Variants in LPAR3 observed in about 807,000 individuals in gnomAD.
LPAR3 encodes the protein LPA receptor 3.
LPAR3 carries 7 observed loss-of-function variants against 17.8 expected under a neutral mutation model. The ratio of observed to expected loss-of-function variants is 0.39; its 90% CI spans 0.22 to 0.74. The LOEUF (loss-of-function observed/expected upper bound fraction) is 0.74, where lower values mean the gene tolerates loss of function less well. Among genes scored for constraint, LPAR3 ranks in the 30% least tolerant of loss-of-function variants. The pLI, the probability that LPAR3 is intolerant of heterozygous loss-of-function variation, is 0.40. For missense variants in LPAR3, 391 were observed against 453.4 expected (o/e 0.86, Z 1.25); for synonymous variants, 179 against 179.9 (o/e 0.99, Z 0.04).
At chr1:84,833,215 G>T (rs1659323990) in intron 2 of LPAR3, among the ~76,000 whole-genome samples, 1 of 152,076 alleles carries the variant, frequency 6.6e-6, no homozygotes, top group African/African-American at 2.4e-5. Context: ...ATGTCCTTTA[G>T]ACTTTCCTGC....
intron 2 of LPAR3, among the ~76,000 whole-genome samples, chr1:84,854,116 A>C (rs1659771255): frequency 6.6e-6 from 1 of 152,102 alleles, no homozygotes; most frequent in South Asian, 2.1e-4. Context: ...TGGCTCCCTT[A>C]TGTCTCTCAA....
intron 1 of LPAR3, 135 bp from the exon 2 acceptor site, chr1:84,866,273 A>G (rs1357972872): frequency 1.5e-6 from 1 of 661,864 alleles, no homozygotes; most frequent in Non-Finnish European, 2.6e-6. Context: ...GTCTCAGTGC[A>G]AATGTCCTTT....
intron 1 of LPAR3, among the ~76,000 whole-genome samples, chr1:84,878,703 C>G (rs1457682396): frequency 6.6e-6 from 1 of 152,146 alleles, no homozygotes; most frequent in Non-Finnish European, 1.5e-5. Context: ...CTTTAAACAC[C>G]AGGATTTTAA....
intron 2 of LPAR3, among the ~76,000 whole-genome samples, chr1:84,851,097 AT>A (rs1432638563): frequency 6.6e-6 from 1 of 152,256 alleles, no homozygotes; most frequent in African/African-American, 2.4e-5. Flanking sequence ...ATTTAAAATA[AT>A]GGCAGCATCA....
chr1:84,812,925 C>T lies in LPAR3; in HGVS notation c.*921G>A, dbSNP rs1306541060. On this transcript the variant is annotated 3_prime_UTR_variant, in exon 3 of 3. Transcript: ENST00000370611. ...CTTCTCCTTGTTTTCTGCATAAACC[C>T]TTTACTAGCTCTCCACTGTTTTTCA... 6.6e-6 allele frequency: 1 copy of T among 151,558 alleles called. No homozygotes were observed. The allele number at this position is 151,558 out of a possible 1,614,324, so 9.4% of individuals were successfully genotyped here. A position where few individuals can be genotyped will look rare whatever the true frequency, so the allele number is the denominator to read the frequency against.
At position 84,865,753 on chromosome 1, in the gene LPAR3, A is replaced by T; in HGVS notation, c.368T>A (p.Ile123Asn). The T allele has an allele frequency of 6.2e-7, 1 of 1,614,242 alleles. No individual in the cohort carries two copies. The highest frequency in any genetic ancestry group is 8.5e-7 in the Non-Finnish European group (1 of 1,180,046). The change falls in exon 2 of 3, where the codon ATC becomes AAC. Residue 123 changes from isoleucine to asparagine, a missense_variant. Physicochemically the swap from Ile to Asn is moderately radical, Grantham distance 149 (BLOSUM62 -3). Coordinates refer to ENST00000370611, the MANE Select transcript of LPAR3 (RefSeq NM_012152.3). ...GATTGACATGTGCCTCTCCACGGCG[A>T]TAACCAGCAAGTTGGTGAGGGAAGC... ...LTASLTNLLV[I>N]AVERHMSIMR...
intron 1 of LPAR3, among the ~76,000 whole-genome samples, chr1:84,870,136 TG>T (rs1660132166): frequency 6.6e-6 from 1 of 152,244 alleles, no homozygotes; most frequent in African/African-American, 2.4e-5. Flanking sequence ...AATATGATTC[TG>T]TGATTTTGAA....
At chr1:84,889,863 A>G (rs373879496) in intron 1 of LPAR3, among the ~76,000 whole-genome samples, 106 of 152,366 alleles carry the variant, frequency 7.0e-4, no homozygotes, top group East Asian at 4.6e-3. Context: ...TTTCACGTAC[A>G]TAAGTTAATG....
At chr1:84,884,181 G>C (rs1409187488) in intron 1 of LPAR3, among the ~76,000 whole-genome samples, 1 of 152,140 alleles carries the variant, frequency 6.6e-6, no homozygotes, top group African/African-American at 2.4e-5. Flanking sequence ...AGCAAATCGG[G>C]TATCAGTTTA....
At chr1:84,889,709 C>T (rs1014496512) in intron 1 of LPAR3, among the ~76,000 whole-genome samples, 7 of 152,276 alleles carry the variant, frequency 4.6e-5, no homozygotes, top group African/African-American at 1.7e-4. Context: ...CAGCAGTGCC[C>T]CCTTAGCACT....
At chr1:84,877,568 C>T (rs183828870) in intron 1 of LPAR3, among the ~76,000 whole-genome samples, 18 of 152,348 alleles carry the variant, frequency 1.2e-4, no homozygotes, top group Admixed American at 1.2e-3. Flanking sequence ...TCACCTACTC[C>T]TCCCAATCTG....
At chr1:84,892,862 G>A (rs1425011491) in intron 1 of LPAR3, among the ~76,000 whole-genome samples, 154 bp downstream of exon 1, 1 of 152,198 alleles carries the variant, frequency 6.6e-6, no homozygotes, top group East Asian at 1.9e-4. Context: ...CCCGGGGTTT[G>A]GAGTGGGTCT....
At chr1:84,834,811 A>G (rs1365502408) in intron 2 of LPAR3, among the ~76,000 whole-genome samples, 1 of 152,138 alleles carries the variant, frequency 6.6e-6, no homozygotes, top group Non-Finnish European at 1.5e-5. Flanking sequence ...CTCCCACTCT[A>G]TGAAGGAATC....
intron 1 of LPAR3, among the ~76,000 whole-genome samples, chr1:84,876,248 G>A (rs1276243907): frequency 6.6e-6 from 1 of 152,168 alleles, no homozygotes; most frequent in African/African-American, 2.4e-5. Context: ...AAGGTAGCCA[G>A]GTCGTGTAAA....
chr1:84,827,821 T>C (rs1039316127), intron 2 of LPAR3, among the ~76,000 whole-genome samples: 3 of 152,156 alleles, frequency 2.0e-5, no homozygotes, highest in East Asian at 3.9e-4. Flanking sequence ...TTTTCTACCA[T>C]GGGTGTAGGT....
rs113255754 is a variant in LPAR3 at position 84,867,294 on chromosome 1, A to G, written c.-18-1156T>C. Among the ~76,000 whole-genome samples, 1,076 of 152,338 alleles carry G rather than the reference A, an allele frequency of 7.1e-3. 22 individuals are homozygous for G. Among genetic ancestry groups the G allele is most frequent in the African/African-American group, 0.024 (1,011 of 41,586 alleles). On this transcript the variant is annotated intron_variant, in intron 1 of 2. Coordinates refer to ENST00000370611, the MANE Select transcript of LPAR3 (RefSeq NM_012152.3). Reference sequence around the variant, plus strand: ...ACGGAAGAAGATTGGGCTTAGGGTCAGGGTTCTAGCTTCTTGGAAGAATGA... The same window carrying G: ...ACGGAAGAAGATTGGGCTTAGGGTCGGGGTTCTAGCTTCTTGGAAGAATGA...
At chr1:84,837,069 G>C (rs1379688777) in intron 2 of LPAR3, among the ~76,000 whole-genome samples, 1 of 143,834 alleles carries the variant, frequency 7.0e-6, no homozygotes, top group Admixed American at 7.2e-5. Context: ...CTGTTGCCCA[G>C]GCTGAAGTGC....
At chr1:84,847,682 C>G (rs1240930112) in intron 2 of LPAR3, among the ~76,000 whole-genome samples, 1 of 152,218 alleles carries the variant, frequency 6.6e-6, no homozygotes, top group Non-Finnish European at 1.5e-5. Context: ...GAATGGTACT[C>G]TAGCTCTGCT....
intron 1 of LPAR3, among the ~76,000 whole-genome samples, 153 bp downstream of exon 1, chr1:84,892,863 G>A (rs895284441): frequency 6.6e-6 from 1 of 152,176 alleles, no homozygotes; most frequent in African/African-American, 2.4e-5. Flanking sequence ...CCGGGGTTTG[G>A]AGTGGGTCTG....
Sources: gnomAD v4.1 joint callset for allele counts (sites outside exome capture counted in the v4.1 genomes callset) on GRCh38, gnomAD v4.1.1 for gene constraint, MANE v1.5 for transcripts, NCBI Gene and HGNC (gene_info 2026-07-23, HGNC 2026-07-21) for gene names.